The following OPHN1 variants were observed in gnomAD, a reference collection of about 807,000 sequenced individuals.
The protein encoded by OPHN1 is oligophrenin 1.
In OPHN1, 11 loss-of-function variants were observed where a neutral mutation model predicts 60.7. The ratio of observed to expected loss-of-function variants is 0.18; its 90% confidence interval spans 0.11 to 0.30. OPHN1 has a LOEUF of 0.30. Ranked by LOEUF, OPHN1 falls within the 10% of genes least tolerant of loss-of-function variation. OPHN1 has a pLI of 1.00. For missense variants in OPHN1, 449 were observed against 611.0 expected (o/e 0.73, Z 2.80); for synonymous variants, 226 against 222.6 (o/e 1.02, Z -0.14).
intron 6 of OPHN1, among the ~76,000 whole-genome samples, chrX:68,226,604 C>T (rs2077694503): frequency 9.0e-6 from 1 of 111,285 alleles, no homozygotes; most frequent in Non-Finnish European, 1.9e-5. Flanking sequence ...GAATTTTCAA[C>T]CCAGAATTTC....
chrX:68,122,903 G>A (rs2077156139), intron 15 of OPHN1, among the ~76,000 whole-genome samples: 1 of 111,413 alleles, frequency 9.0e-6, no homozygotes, highest in Non-Finnish European at 1.9e-5. Context: ...TAAAGAGGAG[G>A]TAGAGAAAGA....
At chrX:68,338,159 G>A (rs1346185238) in intron 2 of OPHN1, among the ~76,000 whole-genome samples, 1 of 111,831 alleles carries the variant, frequency 8.9e-6, no homozygotes, top group Non-Finnish European at 1.9e-5. Context: ...CGCCCAGCCA[G>A]TAACTCACTT....
intron 2 of OPHN1, among the ~76,000 whole-genome samples, chrX:68,333,234 T>C (rs960018933): frequency 2.7e-5 from 3 of 109,422 alleles, no homozygotes; most frequent in African/African-American, 6.7e-5. Context: ...CTGGGATACA[T>C]AGTGAGACCC....
At chrX:68,109,250 A>G (rs1356574352) in intron 18 of OPHN1, among the ~76,000 whole-genome samples, 1 of 111,461 alleles carries the variant, frequency 9.0e-6, no homozygotes, top group African/African-American at 3.3e-5. Flanking sequence ...TGAACATTTC[A>G]TATCAATGAA....
intron 15 of OPHN1, among the ~76,000 whole-genome samples, chrX:68,183,189 C>G (rs1278211296): frequency 4.5e-5 from 5 of 111,928 alleles, no homozygotes; most frequent in African/African-American, 1.6e-4. Context: ...CCAGAAGTAA[C>G]TACATAACAG....
rs1480435642 is a variant in OPHN1 at position 68,042,579 on chromosome X, T to G, written c.*4593A>C. 2 of 108,226 alleles carry G rather than the reference T, an allele frequency of 1.8e-5. No homozygotes were observed. The highest frequency in any genetic ancestry group is 6.8e-5 in the African/African-American group (2 of 29,600). The allele number at this position is 108,226 out of a possible 1,213,427, so 8.9% of individuals were successfully genotyped here. A position where few individuals can be genotyped will look rare whatever the true frequency, so the allele number is the denominator to read the frequency against. ...CGCGAAGGACATGAACAGACACTTC[T>G]CAAAAGAAGACATTTATGCAGCCAA... On this transcript the variant is annotated 3_prime_UTR_variant, in exon 25 of 25. Transcript: ENST00000355520.
chrX:68,195,043 GAAGGAAGGAAGGAAGGAAGGAAGA>G (rs1373764921), intron 12 of OPHN1, among the ~76,000 whole-genome samples: 21 of 103,653 alleles, frequency 2.0e-4, no homozygotes, highest in African/African-American at 7.3e-4. Context: ...AGGAAGGAAG[GAAGGAAGGAAGGAAGGAAGGAAGA>G]AAGAAAGAAA....
rs754168700 is a variant in OPHN1, at chrX:68,335,781, T to C, written c.155-36685A>G. 1.0e-3 allele frequency among the ~76,000 whole-genome samples: 112 copies of C among 110,812 alleles called. 1 individual carries two copies. In the South Asian group the frequency reaches 0.012, roughly 12 times the overall value. On this transcript the variant is annotated intron_variant, in intron 2 of 24. Transcript: ENST00000355520. ...CCATCTCTACTAAAAATATAAAAAT[T>C]AGCTGGGCACGGGTGGCGTGCACCT...
At chrX:68,297,335 G>A (rs779906844) in intron 3 of OPHN1, among the ~76,000 whole-genome samples, 228 of 111,791 alleles carry the variant, frequency 2.0e-3, no homozygotes, top group Non-Finnish European at 2.9e-3. Context: ...AGGTTACAGA[G>A]CTATTAAGAT....
At chrX:68,427,394 T>A (rs1356642618) in intron 2 of OPHN1, among the ~76,000 whole-genome samples, 1 of 111,737 alleles carries the variant, frequency 8.9e-6, no homozygotes, top group Admixed American at 9.7e-5. Context: ...GTAATTGGGT[T>A]AGTCATTCCT....
In OPHN1 at chrX:68,228,122, C is replaced by T. The variant is rs12840615; in HGVS notation, c.486+6365G>A. Among the ~76,000 whole-genome samples, 10 of 111,157 alleles carry T rather than the reference C, an allele frequency of 9.0e-5. 1 individual carries two copies. In the South Asian group the frequency reaches 3.8e-3, roughly 42 times the overall value. On this transcript the variant is annotated intron_variant, in intron 6 of 24. Coordinates refer to ENST00000355520, the MANE Select transcript of OPHN1 (RefSeq NM_002547.3). ...AATATAAGCTACCATCAGAGAATAC[C>T]ATAAACACCTCTACACAAATAAACT...
intron 18 of OPHN1, among the ~76,000 whole-genome samples, chrX:68,108,425 C>T (rs987372536): frequency 8.9e-6 from 1 of 111,976 alleles, no homozygotes; most frequent in Non-Finnish European, 1.9e-5. Context: ...CTTCTTGTTG[C>T]TTTCTCTTTA....
intron 15 of OPHN1, among the ~76,000 whole-genome samples, chrX:68,135,098 A>T (rs1298374735): frequency 3.6e-5 from 4 of 111,194 alleles, no homozygotes; most frequent in Non-Finnish European, 5.7e-5. Context: ...ATGCATGCCA[A>T]TACCTTACAA....
chrX:68,356,794 A>C (rs1339226933), intron 2 of OPHN1, among the ~76,000 whole-genome samples: 2 of 111,123 alleles, frequency 1.8e-5, no homozygotes, highest in East Asian at 5.7e-4. Context: ...CTGAGGTCTG[A>C]CCTCCAAATG....
chrX:68,364,132 A>C (rs1241667089), intron 2 of OPHN1, among the ~76,000 whole-genome samples: 1 of 111,422 alleles, frequency 9.0e-6, no homozygotes, highest in Non-Finnish European at 1.9e-5. Context: ...TCTAACATCT[A>C]CCCACAAGAA....
chrX:68,399,691 A>G (rs1432404758), intron 2 of OPHN1, among the ~76,000 whole-genome samples: 1 of 109,703 alleles, frequency 9.1e-6, no homozygotes, highest in East Asian at 2.8e-4. Flanking sequence ...AAAAATAAAT[A>G]AATAAATAAA....
intron 2 of OPHN1, among the ~76,000 whole-genome samples, chrX:68,398,571 C>T (rs1212804833): frequency 1.8e-5 from 2 of 111,623 alleles, no homozygotes; most frequent in Admixed American, 1.9e-4. Context: ...ATTAGGATCA[C>T]ATTTACACAA....
chrX:68,124,672 T>A (rs1436469959), intron 15 of OPHN1, among the ~76,000 whole-genome samples: 2 of 110,942 alleles, frequency 1.8e-5, no homozygotes, highest in Non-Finnish European at 3.8e-5. Flanking sequence ...GTCTTTTTTT[T>A]TTGAGACAAG....
intron 15 of OPHN1, among the ~76,000 whole-genome samples, chrX:68,136,038 A>C (rs1257920878): frequency 9.0e-6 from 1 of 111,585 alleles, no homozygotes; most frequent in Non-Finnish European, 1.9e-5. Context: ...TTCCTTCCTT[A>C]AGCAAATATG....
Sources: gnomAD v4.1 joint callset for allele counts (sites outside exome capture counted in the v4.1 genomes callset) on GRCh38, gnomAD v4.1.1 for gene constraint, MANE v1.5 for transcripts, NCBI Gene and HGNC (gene_info 2026-07-23, HGNC 2026-07-21) for gene names.